Variants in EYS observed in about 807,000 individuals in gnomAD.
EYS encodes EGF-like photoreceptor maintenance factor.
A neutral mutation model predicts 282.1 loss-of-function variants in EYS; 250 were observed. The ratio of observed to expected loss-of-function variants is 0.89; its 90% CI spans 0.80 to 0.98. EYS has a LOEUF of 0.98. EYS is among the 50% of genes least tolerant of loss of function. EYS has a pLI of 0.00. For missense variants in EYS, 4,016 were observed against 3,709.0 expected (o/e 1.08, Z -2.15); for synonymous variants, 1,355 against 1,282.9 (o/e 1.06, Z -1.20).
intron 12 of EYS, among the ~76,000 whole-genome samples, chr6:65,143,498 C>A (rs965173537): frequency 6.6e-6 from 1 of 151,776 alleles, no homozygotes; most frequent in African/African-American, 2.4e-5. Context: ...ATTTAGATAA[C>A]AAAAATATTA....
At chr6:64,184,867 T>G (rs1161911605) in intron 31 of EYS, among the ~76,000 whole-genome samples, 1 of 151,562 alleles carries the variant, frequency 6.6e-6, no homozygotes, top group Non-Finnish European at 1.5e-5. Context: ...TGCTATTTGT[T>G]TATGTAAATA....
chr6:64,728,114 G>A (rs2149949554), intron 22 of EYS, among the ~76,000 whole-genome samples: 1 of 152,258 alleles, frequency 6.6e-6, no homozygotes, highest in South Asian at 2.1e-4. Flanking sequence ...CAGGTGAACA[G>A]GTGCAGGAGC....
chr6:64,102,227 A>G (rs1267262492), intron 31 of EYS, among the ~76,000 whole-genome samples: 3 of 152,214 alleles, frequency 2.0e-5, no homozygotes, highest in Middle Eastern at 3.2e-3. Context: ...TAAATATAAT[A>G]TTAAGTTCCC....
At chr6:64,118,998 C>A (rs1214704330) in intron 31 of EYS, among the ~76,000 whole-genome samples, 2 of 152,076 alleles carry the variant, frequency 1.3e-5, no homozygotes, top group African/African-American at 4.8e-5. Context: ...AATGAGATAT[C>A]ATTTTTCTCC....
Position 65,024,847 on chromosome 6 carries a change from A to C in EYS, c.2138-27144T>G, listed in dbSNP as rs1006608109. Reference sequence around the variant, plus strand: ...AATAACCGTGAAAAAGGTCAGCTATACCTCTAAGCTTTCACTGAGGACTAT... The same window carrying C: ...AATAACCGTGAAAAAGGTCAGCTATCCCTCTAAGCTTTCACTGAGGACTAT... On this transcript the variant is annotated intron_variant, in intron 13 of 42. Transcript: ENST00000503581. 3.9e-5 allele frequency among the ~76,000 whole-genome samples: 6 copies of C among 152,282 alleles called. 1 individual carries two copies. The highest frequency in any genetic ancestry group is 3.9e-4 in the Admixed American group (6 of 15,280).
chr6:64,610,347 T>C (rs1335310066), intron 24 of EYS, among the ~76,000 whole-genome samples: 1 of 152,064 alleles, frequency 6.6e-6, no homozygotes, highest in East Asian at 1.9e-4. Context: ...CATAGGTCTA[T>C]GAGGTGGTCA....
intron 14 of EYS, among the ~76,000 whole-genome samples, chr6:64,972,901 A>G (rs1770344960): frequency 6.6e-6 from 1 of 152,070 alleles, no homozygotes; most frequent in African/African-American, 2.4e-5. Flanking sequence ...TAGAGTAAAA[A>G]GCCTACTTTC....
chr6:65,405,389 A>AG (rs1367798146), intron 5 of EYS, 22 bp from the exon 6 acceptor site: 3 of 1,442,406 alleles, frequency 2.1e-6, no homozygotes, highest in Non-Finnish European at 2.8e-6. Context: ...CACACACAAG[A>AG]AAAAAAAAGA....
At chr6:65,180,755 C>G (rs1455503605) in intron 12 of EYS, among the ~76,000 whole-genome samples, 2 of 152,214 alleles carry the variant, frequency 1.3e-5, no homozygotes, top group Middle Eastern at 3.4e-3. Context: ...CCAAGTCAAT[C>G]CTAAGCCAAA....
intron 5 of EYS, among the ~76,000 whole-genome samples, chr6:65,414,973 T>G (rs1767173133): frequency 6.6e-6 from 1 of 151,958 alleles, no homozygotes; most frequent in African/African-American, 2.4e-5. Flanking sequence ...TGAAAAGTTA[T>G]TAAGAAAGAA....
At chr6:64,730,420 G>T (rs1056337690) in intron 22 of EYS, among the ~76,000 whole-genome samples, 2 of 152,188 alleles carry the variant, frequency 1.3e-5, no homozygotes, top group Admixed American at 1.3e-4. Context: ...TTGCCAACAT[G>T]GGATAAGGAG....
intron 2 of EYS, among the ~76,000 whole-genome samples, chr6:65,542,841 C>T (rs1380066560): frequency 6.6e-6 from 1 of 152,052 alleles, no homozygotes; most frequent in Non-Finnish European, 1.5e-5. Context: ...ATATTTTAAG[C>T]ATTCAAATAT....
chr6:65,124,085 G>A (rs1459680242), intron 12 of EYS, among the ~76,000 whole-genome samples: 1 of 151,984 alleles, frequency 6.6e-6, no homozygotes, highest in African/African-American at 2.4e-5. Context: ...GAGGTAGGCG[G>A]ATCCCTTGAG....
intron 30 of EYS, among the ~76,000 whole-genome samples, chr6:64,270,242 T>G (rs375464420): frequency 7.2e-5 from 11 of 152,138 alleles, no homozygotes; most frequent in East Asian, 5.8e-4. Flanking sequence ...CATTTTAGTG[T>G]AGTTGTGAAT....
intron 2 of EYS, among the ~76,000 whole-genome samples, chr6:65,546,763 G>T (rs1033713159): frequency 2.6e-5 from 4 of 151,944 alleles, no homozygotes; most frequent in South Asian, 2.1e-4. Flanking sequence ...TAGAGATGGG[G>T]TTTCACCCTG....
chr6:64,265,396 CTGAT>C (rs1182498893), intron 30 of EYS, among the ~76,000 whole-genome samples: 1 of 152,102 alleles, frequency 6.6e-6, no homozygotes, highest in Non-Finnish European at 1.5e-5. Flanking sequence ...ACAATAAACT[CTGAT>C]TGGTGAAAGC....
At chr6:65,036,579 T>C (rs911105647) in intron 13 of EYS, among the ~76,000 whole-genome samples, 4 of 150,848 alleles carry the variant, frequency 2.7e-5, no homozygotes, top group South Asian at 4.2e-4. Context: ...AAATATCTAA[T>C]ATCCAGAATC....
intron 1 of EYS, among the ~76,000 whole-genome samples, chr6:65,643,618 AC>A (rs1382450821): frequency 1.3e-5 from 2 of 152,192 alleles, no homozygotes; most frequent in African/African-American, 4.8e-5. Flanking sequence ...CTGGAGGGCA[AC>A]CAACACAAAA....
chr6:64,500,225 C>T (rs1400554112), intron 26 of EYS, among the ~76,000 whole-genome samples: 1 of 151,974 alleles, frequency 6.6e-6, no homozygotes, highest in Non-Finnish European at 1.5e-5. Flanking sequence ...TAGTATTTAA[C>T]AGCTCAAAAT....
Sources: gnomAD v4.1 joint callset for allele counts (sites outside exome capture counted in the v4.1 genomes callset) on GRCh38, gnomAD v4.1.1 for gene constraint, MANE v1.5 for transcripts, NCBI Gene and HGNC (gene_info 2026-07-23, HGNC 2026-07-21) for gene names.